The following DHX40 variants were observed in gnomAD, a reference collection of about 807,000 sequenced individuals.
DHX40 encodes the protein probable ATP-dependent RNA helicase DHX40.
A neutral mutation model predicts 89.6 loss-of-function variants in DHX40; 28 were observed. The ratio of observed to expected loss-of-function variants is 0.31; its 90% CI spans 0.23 to 0.43. The LOEUF is 0.43. Among genes scored for constraint, DHX40 ranks in the 20% least tolerant of loss-of-function variants. DHX40 has a pLI of 1.00. For synonymous variants in DHX40, 226 were observed against 283.6 expected, an observed-to-expected ratio of 0.80 and a Z score of 2.04; for missense variants, 457 against 844.0, an observed-to-expected ratio of 0.54 and a Z score of 5.68.
intron 2 of DHX40, among the ~76,000 whole-genome samples, chr17:59,567,655 A>C (rs891666662): frequency 6.6e-6 from 1 of 152,110 alleles, no homozygotes; most frequent in Non-Finnish European, 1.5e-5. Context: ...GGCTGGGCAC[A>C]GTGGCTCACG....
At chr17:59,604,946 A>G in intron 15 of DHX40, 169 bp from the exon 16 acceptor site, 2 of 610,686 alleles carry the variant, frequency 3.3e-6, no homozygotes, top group South Asian at 2.0e-5. Context: ...TAATTAATTT[A>G]AGATGAATTG....
Position 59,579,575 on chromosome 17 carries a change from A to G in DHX40, c.1160+17A>G, listed in dbSNP as rs1417492913. Reference sequence around the variant, plus strand: ...AATTTCAAAGTAAGTCTCTATGTCAAATCTTTTTATTCAAAGAACAACTGA... The same window carrying G: ...AATTTCAAAGTAAGTCTCTATGTCAGATCTTTTTATTCAAAGAACAACTGA... On this transcript the variant is annotated intron_variant, in intron 9 of 17. Coordinates refer to ENST00000251241, the MANE Select transcript of DHX40 (RefSeq NM_024612.5). The G allele has an allele frequency of 1.8e-6, 2 of 1,097,006 alleles. No individual in the cohort carries two copies. The highest frequency in any genetic ancestry group is 2.4e-6 in the Non-Finnish European group (2 of 833,724). 68.0% of individuals were successfully genotyped at this position (1,097,006 alleles called of 1,614,324 possible).
At chr17:59,587,573 T>C (rs2049017298) in intron 11 of DHX40, among the ~76,000 whole-genome samples, 1 of 151,416 alleles carries the variant, frequency 6.6e-6, no homozygotes, top group Non-Finnish European at 1.5e-5. Context: ...TTCTCCTGCC[T>C]CAGCCTCCCA....
At chr17:59,570,218 TTAAA>T (rs201266327) in intron 2 of DHX40, among the ~76,000 whole-genome samples, 5,777 of 126,398 alleles carry the variant, frequency 0.046, 490 homozygotes, top group African/African-American at 0.17. Context: ...ATATTATATA[TTAAA>T]TATATATTAG....
chr17:59,569,036 G>C (rs953515805), intron 2 of DHX40, among the ~76,000 whole-genome samples: 1 of 151,946 alleles, frequency 6.6e-6, no homozygotes, highest in African/African-American at 2.4e-5. Flanking sequence ...GCATATTTAA[G>C]TCCAGTTTTA....
chr17:59,580,714 G>A (rs6503928), intron 10 of DHX40, among the ~76,000 whole-genome samples: 1 of 148,522 alleles, frequency 6.7e-6, no homozygotes, highest in Non-Finnish European at 1.5e-5. Context: ...TGCTGGAGCC[G>A]GGCAGGTAGA....
Position 59,605,476 on chromosome 17 carries a change from A to G in DHX40, c.2002A>G (p.Ile668Val). 1 of 1,613,462 alleles carries G rather than the reference A, an allele frequency of 6.2e-7. No individual in the cohort carries two copies. The highest frequency in any genetic ancestry group is 8.5e-7 in the Non-Finnish European group (1 of 1,179,398). The change falls in exon 17 of 18, where the codon ATC (isoleucine) becomes GTC (valine). Residue 668 changes from isoleucine to valine, a missense_variant. Ile to Val is a conservative substitution (Grantham distance 29, BLOSUM62 3). Transcript: ENST00000251241. ...TGAACAGGAAACCAAACTTGAATGG[A>G]TCATTTTTCATGAGGTATTGGTTAC... ...LHEQETKLEW[I>V]IFHEVLVTTK...
chr17:59,600,981 A>G (rs1228228031), intron 14 of DHX40, among the ~76,000 whole-genome samples: 1 of 150,900 alleles, frequency 6.6e-6, no homozygotes, highest in Non-Finnish European at 1.5e-5. Context: ...CCCATACTAT[A>G]ATAAAACTCC....
chr17:59,587,754 G>A, intron 11 of DHX40, 142 bp from the exon 12 acceptor site: 1 of 934,218 alleles, frequency 1.1e-6, no homozygotes, highest in Non-Finnish European at 1.6e-6. Flanking sequence ...CACCACGCCT[G>A]GCCTAATTTT....
Position 59,575,455 on chromosome 17 carries a change from T to G in DHX40, c.957T>G (p.Tyr319Ter). The G allele has an allele frequency of 6.2e-7, 1 of 1,612,488 alleles. No homozygotes were observed. Among genetic ancestry groups the G allele is most frequent in the Non-Finnish European group, 8.5e-7 (1 of 1,179,454 alleles). ...ATGGCTTGTTAATATTGCCGTGTTA[T>G]GGATCAATGACAACAGGTAATTTCT... is the stretch of plus-strand genomic sequence containing the variant. ...TLDGLLILPC[Y>*]GSMTTDQQRR... Residue 319 changes from tyrosine to a stop codon, truncating the protein, a stop_gained, in exon 7 of 18, where the codon TAT (tyrosine) becomes TAG (stop). Coordinates refer to ENST00000251241, the MANE Select transcript of DHX40 (RefSeq NM_024612.5). LOFTEE classifies it high-confidence loss of function.
rs140838462 is a variant in DHX40 at position 59,575,461 on chromosome 17, A to G, written c.963A>G (p.Ser321=). 276 of 1,612,274 alleles carry G rather than the reference A, an allele frequency of 1.7e-4. 3 individuals carry two copies. In the African/African-American group the frequency reaches 3.1e-3, roughly 18 times the overall value. ...DGLLILPCYG[S]MTTDQQRRIF... ...TGTTAATATTGCCGTGTTATGGATC[A>G]ATGACAACAGGTAATTTCTCATTAG... The change falls in exon 7 of 18, where the codon TCA becomes TCG. Residue 321 remains serine, a synonymous_variant. Transcript: ENST00000251241.
chr17:59,595,489 G>C (rs1598169648), intron 12 of DHX40, among the ~76,000 whole-genome samples: 1 of 150,202 alleles, frequency 6.7e-6, no homozygotes, highest in Non-Finnish European at 1.5e-5. Context: ...TTAAGAAAAA[G>C]TATGTCATGA....
rs139476669 is a variant in DHX40 at position 59,601,711 on chromosome 17, G to A, written c.1807-811G>A. On this transcript the variant is annotated intron_variant, in intron 14 of 17. Transcript: ENST00000251241. ...ACATCATACCTGATAATTTTTCAGC[G>A]GATGCCAAACATTGTGAATTTCACC... Among the ~76,000 whole-genome samples the A allele has an allele frequency of 3.7e-4, 56 of 152,138 alleles. 1 individual carries two copies. In the East Asian group the frequency reaches 9.6e-3, roughly 26 times the overall value.
intron 12 of DHX40, among the ~76,000 whole-genome samples, chr17:59,597,581 G>C (rs1260025064): frequency 6.6e-6 from 1 of 151,940 alleles, no homozygotes; most frequent in Non-Finnish European, 1.5e-5. Context: ...TTTAGACAAG[G>C]TTTCACTCTG....
chr17:59,588,027 C>G lies in DHX40; in HGVS notation c.1556C>G (p.Ser519Cys), dbSNP rs1267686357. The change falls in exon 12 of 18, where the codon TCT (serine) becomes TGT (cysteine). Residue 519 changes from serine (S) to cysteine (C), a missense_variant. By Grantham distance (112) the Ser-to-Cys change is moderately radical. Coordinates refer to ENST00000251241, the MANE Select transcript of DHX40 (RefSeq NM_024612.5). ...CTACTTCCAATAGCAGCAATGTTGT[C>G]TGTGGAAAACGTCTTCATTAGACCT... is the stretch of plus-strand genomic sequence containing the variant. ...DLLLPIAAML[S>C]VENVFIRPVD... The G allele has an allele frequency of 6.2e-7, 1 of 1,613,444 alleles. No homozygotes were observed. Among genetic ancestry groups the G allele is most frequent in the Non-Finnish European group, 8.5e-7 (1 of 1,179,744 alleles).
intron 2 of DHX40, among the ~76,000 whole-genome samples, chr17:59,568,840 A>G (rs1022594285): frequency 1.0e-4 from 6 of 58,610 alleles, no homozygotes; most frequent in African/African-American, 9.0e-4. Flanking sequence ...GAAGGTGCAT[A>G]TATATATATA....
Position 59,599,453 on chromosome 17 carries a change from A to G in DHX40, c.1776A>G (p.Gln592=), listed in dbSNP as rs757197414. The change falls in exon 14 of 18, where the codon CAA becomes CAG. Residue 592 remains glutamine, a synonymous_variant. Coordinates refer to ENST00000251241, the MANE Select transcript of DHX40 (RefSeq NM_024612.5). ...CLFSAFRVEA[Q]LRELIRKLKQ... ...TTTCTGCATTTCGTGTGGAAGCTCA[A>G]CTTCGAGAACTAATCAGGAAGCTTA... The G allele has an allele frequency of 1.9e-6, 3 of 1,610,786 alleles. No homozygotes were observed. Among genetic ancestry groups the G allele is most frequent in the South Asian group, 2.2e-5 (2 of 90,606 alleles).
intron 15 of DHX40, chr17:59,603,454 C>T (rs1282082832): frequency 1.3e-5 from 2 of 152,002 alleles, no homozygotes; most frequent in Non-Finnish European, 2.9e-5. Context: ...GCAAGATGAG[C>T]CCAGAATATC....
At chr17:59,605,849 CAG>C (rs754817730) in intron 17 of DHX40, 175 bp downstream of exon 17, 3 of 695,346 alleles carry the variant, frequency 4.3e-6, no homozygotes, top group Middle Eastern at 3.7e-4. Flanking sequence ...CCTGTAGTCC[CAG>C]TGACTTGGGA....
Sources: gnomAD v4.1 joint callset for allele counts (sites outside exome capture counted in the v4.1 genomes callset) on GRCh38, gnomAD v4.1.1 for gene constraint, MANE v1.5 for transcripts, NCBI Gene and HGNC (gene_info 2026-07-23, HGNC 2026-07-21) for gene names.